The following CRACDL variants were observed in gnomAD, a reference collection of about 807,000 sequenced individuals.
The protein encoded by CRACDL is CRACD like.
A neutral mutation model predicts 70.6 loss-of-function variants in CRACDL; 26 were observed. The observed-to-expected ratio is 0.37, with a 90% CI of 0.27 to 0.51. The LOEUF (loss-of-function observed/expected upper bound fraction) is 0.51, where lower values mean the gene tolerates loss of function less well. Ranked by LOEUF, CRACDL falls within the 20% of genes least tolerant of loss-of-function variation. The probability of loss-of-function intolerance (pLI) is 0.94; values close to 1 mark genes in which losing one functional copy is unlikely to be tolerated. For synonymous variants in CRACDL, 618 were observed against 615.2 expected, an observed-to-expected ratio of 1.00 and a Z score of -0.07; for missense variants, 1,283 against 1,376.9, an observed-to-expected ratio of 0.93 and a Z score of 1.08.
chr2:98,884,386 T>C (rs1261891875), intron 1 of CRACDL, among the ~76,000 whole-genome samples: 29 of 152,172 alleles, frequency 1.9e-4, no homozygotes, highest in Non-Finnish European at 1.5e-5. Context: ...AGAAGAAACA[T>C]GCAGGGCTGG....
chr2:98,852,800 T>A (rs1241172083), intron 1 of CRACDL, among the ~76,000 whole-genome samples: 1 of 151,688 alleles, frequency 6.6e-6, no homozygotes, highest in Non-Finnish European at 1.5e-5. Context: ...AGAAAAAGAC[T>A]GGGAAAAAAG....
chr2:98,819,960 G>A (rs887587851), intron 7 of CRACDL, among the ~76,000 whole-genome samples: 2 of 150,664 alleles, frequency 1.3e-5, no homozygotes, highest in Non-Finnish European at 3.0e-5. Flanking sequence ...GCTGGGATTA[G>A]AGGTGCGCGC....
intron 1 of CRACDL, among the ~76,000 whole-genome samples, chr2:98,927,618 A>G (rs1708965927): frequency 6.6e-6 from 1 of 152,232 alleles, no homozygotes; most frequent in Non-Finnish European, 1.5e-5. Context: ...GGCACTGATC[A>G]GACAAAAGCG....
At chr2:98,935,440 T>C (rs1211478538) in intron 1 of CRACDL, among the ~76,000 whole-genome samples, 1 of 152,170 alleles carries the variant, frequency 6.6e-6, no homozygotes, top group Non-Finnish European at 1.5e-5. Context: ...ACTTCTTAGA[T>C]CAACTCCAGA....
intron 1 of CRACDL, among the ~76,000 whole-genome samples, chr2:98,933,349 G>A (rs1003027416): frequency 3.3e-5 from 5 of 152,304 alleles, no homozygotes; most frequent in East Asian, 1.9e-4. Context: ...AGGGGTCCCC[G>A]AGGAGTAACG....
chr2:98,887,803 T>G (rs931244732), intron 1 of CRACDL, among the ~76,000 whole-genome samples: 1 of 152,234 alleles, frequency 6.6e-6, no homozygotes. Context: ...TAGTAACTGA[T>G]TTATCATGAA....
intron 1 of CRACDL, among the ~76,000 whole-genome samples, chr2:98,890,709 T>C (rs1036423341): frequency 1.3e-5 from 2 of 152,248 alleles, no homozygotes; most frequent in Non-Finnish European, 2.9e-5. Context: ...ATCCTAAATC[T>C]GAAATGCTGC....
chr2:98,924,488 A>T (rs1708870000), intron 1 of CRACDL, among the ~76,000 whole-genome samples: 1 of 152,248 alleles, frequency 6.6e-6, no homozygotes, highest in African/African-American at 2.4e-5. Flanking sequence ...AATACAGCTC[A>T]TGCTCAGCCA....
intron 1 of CRACDL, among the ~76,000 whole-genome samples, chr2:98,933,614 T>G (rs1558646301): frequency 1.3e-5 from 2 of 151,984 alleles, no homozygotes; most frequent in African/African-American, 4.8e-5. Context: ...CAAGCAGTAT[T>G]TATGTGCACA....
At chr2:98,923,500 A>G (rs1708849558) in intron 1 of CRACDL, among the ~76,000 whole-genome samples, 1 of 152,218 alleles carries the variant, frequency 6.6e-6, no homozygotes, top group Non-Finnish European at 1.5e-5. Context: ...AGCAAATTGC[A>G]AAAGGAGAGC....
chr2:98,916,500 A>C (rs1339466650), intron 1 of CRACDL, among the ~76,000 whole-genome samples: 2 of 116,782 alleles, frequency 1.7e-5, no homozygotes, highest in Non-Finnish European at 3.4e-5. Context: ...TACCTCAATA[A>C]AGCTGTTTTT....
intron 1 of CRACDL, among the ~76,000 whole-genome samples, chr2:98,888,132 G>C (rs60816787): frequency 1.3e-5 from 2 of 152,152 alleles, no homozygotes; most frequent in Non-Finnish European, 1.5e-5. Context: ...AAAAACCATA[G>C]AGAAATTAGC....
chr2:98,918,837 C>T (rs368694703), intron 1 of CRACDL, among the ~76,000 whole-genome samples: 11 of 152,160 alleles, frequency 7.2e-5, no homozygotes, highest in African/African-American at 2.7e-4. Context: ...GATATTAGTC[C>T]CCTATTGGAT....
At chr2:98,876,159 T>G (rs1019967631) in intron 1 of CRACDL, among the ~76,000 whole-genome samples, 9 of 152,198 alleles carry the variant, frequency 5.9e-5, no homozygotes, top group Non-Finnish European at 1.3e-4. Context: ...TGAGAACAAA[T>G]AGTATGTCTG....
intron 7 of CRACDL, among the ~76,000 whole-genome samples, chr2:98,799,180 C>T (rs1703966001): frequency 6.6e-6 from 1 of 152,188 alleles, no homozygotes; most frequent in African/African-American, 2.4e-5. Flanking sequence ...CACAGCAACA[C>T]ATGCAGATGT....
At chr2:98,923,161 CT>C (rs1210932978) in intron 1 of CRACDL, among the ~76,000 whole-genome samples, 1 of 151,314 alleles carries the variant, frequency 6.6e-6, no homozygotes, top group East Asian at 1.9e-4. Context: ...GTCCCAGCTA[CT>C]TGGGAGGCTG....
At chr2:98,857,654 C>G (rs1273968080) in intron 1 of CRACDL, among the ~76,000 whole-genome samples, 1 of 152,100 alleles carries the variant, frequency 6.6e-6, no homozygotes, top group Non-Finnish European at 1.5e-5. Context: ...ACAAAGTACT[C>G]TGATATAAAT....
chr2:98,799,053 G>A (rs1393379357), intron 7 of CRACDL, among the ~76,000 whole-genome samples: 2 of 152,136 alleles, frequency 1.3e-5, no homozygotes, highest in African/African-American at 2.4e-5. Flanking sequence ...GCTTCTGGAT[G>A]TTTGCCTGCC....
chr2:98,824,195 C>T (rs1705212796), intron 6 of CRACDL, among the ~76,000 whole-genome samples: 1 of 152,124 alleles, frequency 6.6e-6, no homozygotes. Context: ...GGTCTTAAGC[C>T]GTTTCTTCCA....
Sources: allele counts gnomAD v4.1 joint callset (sites outside exome capture counted in the v4.1 genomes callset), GRCh38; gene constraint gnomAD v4.1.1; transcripts MANE v1.5; gene names NCBI Gene and HGNC (gene_info 2026-07-23, HGNC 2026-07-21).